The following ZNF521 variants were observed in gnomAD, a reference collection of about 807,000 sequenced individuals.
ZNF521 encodes the protein zinc finger protein 521.
ZNF521 carries 14 observed loss-of-function variants against 105.5 expected under a neutral mutation model. The ratio of observed to expected loss-of-function variants is 0.13; its 90% confidence interval spans 0.09 to 0.21. The LOEUF is 0.21. ZNF521 is among the 10% of genes least tolerant of loss of function. The pLI, the probability that ZNF521 is intolerant of heterozygous loss-of-function variation, is 1.00. For synonymous variants in ZNF521, 635 were observed against 606.0 expected, an observed-to-expected ratio of 1.05 and a Z score of -0.70; for missense variants, 1,233 against 1,629.7, an observed-to-expected ratio of 0.76 and a Z score of 4.19.
chr18:25,064,332 G>A (rs1221159098), intron 7 of ZNF521, among the ~76,000 whole-genome samples: 1 of 152,224 alleles, frequency 6.6e-6, no homozygotes, highest in Non-Finnish European at 1.5e-5. Flanking sequence ...AGTGGATCCA[G>A]CATACTGACA....
chr18:25,082,481 A>G (rs983151258), intron 7 of ZNF521: 1 of 414,290 alleles, frequency 2.4e-6, no homozygotes, highest in East Asian at 7.2e-5. Flanking sequence ...CAGCAGAAGA[A>G]CACATGATAA....
chr18:25,152,626 C>T (rs916448134), intron 5 of ZNF521, among the ~76,000 whole-genome samples: 6 of 151,904 alleles, frequency 3.9e-5, no homozygotes, highest in Admixed American at 1.3e-4. Flanking sequence ...AGTTTTACAT[C>T]GGGTACAAAG....
chr18:25,315,314 C>T lies in ZNF521; in HGVS notation c.220+6694G>A, dbSNP rs533731309. Among the ~76,000 whole-genome samples, 14 of 152,204 alleles carry T rather than the reference C, an allele frequency of 9.2e-5. No homozygotes were observed. In the South Asian group the frequency reaches 2.9e-3, roughly 32 times the overall value. ...TCTTTCACCTTTCCCCCTATTCCTT[C>T]AAGCAGGGATGATACATAACTTACT... is the stretch of plus-strand genomic sequence containing the variant. On this transcript the variant is annotated intron_variant, in intron 3 of 7. Coordinates refer to ENST00000361524, the MANE Select transcript of ZNF521 (RefSeq NM_015461.3).
intron 5 of ZNF521, among the ~76,000 whole-genome samples, chr18:25,121,099 GGAA>G (rs1329532983): frequency 7.0e-6 from 1 of 142,592 alleles, no homozygotes; most frequent in Non-Finnish European, 1.5e-5. Context: ...AGAGTGAAAG[GGAA>G]GAAGGAGTAT....
At chr18:25,164,238 A>G (rs1433885299) in intron 5 of ZNF521, among the ~76,000 whole-genome samples, 1 of 152,166 alleles carries the variant, frequency 6.6e-6, no homozygotes, top group Non-Finnish European at 1.5e-5. Flanking sequence ...TGTGCCTTGC[A>G]GGGCTGTCCC....
chr18:25,308,158 C>T (rs144698347), intron 3 of ZNF521, among the ~76,000 whole-genome samples: 4 of 141,316 alleles, frequency 2.8e-5, no homozygotes, highest in South Asian at 2.3e-4. Flanking sequence ...GCTGAGATCA[C>T]GCCATTGCAC....
rs1420572810 is a variant in ZNF521 at position 25,226,902 on chromosome 18, T to A, written c.1016A>T (p.Asn339Ile). The change falls in exon 4 of 8, where the codon AAT becomes ATT. Residue 339 changes from asparagine to isoleucine, a missense_variant. Asn to Ile is a moderately radical substitution (Grantham distance 149, BLOSUM62 -3). This residue lies in a region of ZNF521 where 380 missense variants were observed against 478.0 expected (regional missense o/e 0.80). Coordinates refer to ENST00000361524, the MANE Select transcript of ZNF521 (RefSeq NM_015461.3). The surrounding 1 kb of genome is among the most constrained non-coding windows in gnomAD (Gnocchi z 4.1). ...GACCAGGGAAGGGCTGTTGCTGTGA[T>A]TGCATGACTCCGGTTGCTGGTGACT... ...MDSHQQPESC[N>I]HSNSPSLVTV... is the part of the protein sequence containing the mutation. The A allele has an allele frequency of 1.2e-6, 2 of 1,613,732 alleles. No individual in the cohort carries two copies. The highest frequency in any genetic ancestry group is 2.7e-5 in the African/African-American group (2 of 74,848).
At chr18:25,141,386 C>G (rs111640433) in intron 5 of ZNF521, among the ~76,000 whole-genome samples, 2,113 of 152,282 alleles carry the variant, frequency 0.014, 50 homozygotes, top group African/African-American at 0.049. Flanking sequence ...CCACACTACC[C>G]ACATGCTTTG....
chr18:25,146,485 GATAGAGAAAAATAC>G (rs920695355), intron 5 of ZNF521, among the ~76,000 whole-genome samples: 7 of 152,028 alleles, frequency 4.6e-5, no homozygotes, highest in African/African-American at 1.7e-4. Context: ...AACTAGAAAG[GATAGAGAAAAATAC>G]ATAAAAATGA....
intron 3 of ZNF521, among the ~76,000 whole-genome samples, chr18:25,245,554 C>T (rs1907646868): frequency 1.3e-5 from 2 of 152,186 alleles, no homozygotes; most frequent in Admixed American, 1.3e-4. Flanking sequence ...GCTTTTGTAA[C>T]TTGTATTCAA....
intron 5 of ZNF521, among the ~76,000 whole-genome samples, chr18:25,189,616 T>C (rs2035784890): frequency 6.6e-6 from 1 of 152,180 alleles, no homozygotes; most frequent in South Asian, 2.1e-4. Context: ...TCTGTGACCA[T>C]CACTCCACAC....
At chr18:25,190,782 C>T (rs1261446159) in intron 5 of ZNF521, among the ~76,000 whole-genome samples, 1 of 152,196 alleles carries the variant, frequency 6.6e-6, no homozygotes, top group Non-Finnish European at 1.5e-5. Flanking sequence ...CGGATTTACT[C>T]ATTCTTTATG....
intron 5 of ZNF521, among the ~76,000 whole-genome samples, chr18:25,111,054 C>T (rs2034179939): frequency 6.6e-6 from 1 of 152,038 alleles, no homozygotes; most frequent in South Asian, 2.1e-4. Flanking sequence ...TGAGCCACCA[C>T]ACCTGGCCTA....
chr18:25,118,695 G>A (rs1213468724), intron 5 of ZNF521, among the ~76,000 whole-genome samples: 1 of 151,898 alleles, frequency 6.6e-6, no homozygotes, highest in Non-Finnish European at 1.5e-5. Context: ...AAACGATTCA[G>A]AAAGTCCAAA....
At chr18:25,262,547 C>T (rs1275948384) in intron 3 of ZNF521, among the ~76,000 whole-genome samples, 1 of 152,228 alleles carries the variant, frequency 6.6e-6, no homozygotes, top group Non-Finnish European at 1.5e-5. Context: ...ATTCTATAAA[C>T]ATTTACTGAT....
At chr18:25,224,187 T>C (rs759036448) in intron 4 of ZNF521, 158 bp downstream of exon 4, 18 of 706,088 alleles carry the variant, frequency 2.5e-5, no homozygotes, top group Admixed American at 5.9e-5. Context: ...AGCAAGTAAT[T>C]GCTAGCTAAT....
chr18:25,198,892 A>G (rs1178718998), intron 4 of ZNF521, among the ~76,000 whole-genome samples: 2 of 151,960 alleles, frequency 1.3e-5, no homozygotes, highest in Non-Finnish European at 2.9e-5. Flanking sequence ...GAGATACTCA[A>G]ATTCCATCCT....
At chr18:25,317,845 C>G (rs1359543427) in intron 3 of ZNF521, among the ~76,000 whole-genome samples, 3 of 152,100 alleles carry the variant, frequency 2.0e-5, no homozygotes, top group African/African-American at 7.2e-5. Context: ...TTAGCAAGTA[C>G]GTACGACAAC....
chr18:25,126,430 T>C (rs1411608553), intron 5 of ZNF521, among the ~76,000 whole-genome samples: 1 of 152,120 alleles, frequency 6.6e-6, no homozygotes. Flanking sequence ...GGATTATTAA[T>C]AACAACATTC....
Sources: allele counts gnomAD v4.1 joint callset (sites outside exome capture counted in the v4.1 genomes callset), GRCh38; gene constraint gnomAD v4.1.1; regional missense constraint gnomAD v4.1.1; non-coding constraint Gnocchi (gnomAD v3.1); transcripts MANE v1.5; gene names NCBI Gene and HGNC (gene_info 2026-07-23, HGNC 2026-07-21).